Variants in HIPK2 observed in about 807,000 individuals in gnomAD.
HIPK2 encodes homeodomain interacting protein kinase 2, also known as homeodomain-interacting protein kinase 2.
Under a neutral mutation model 113.7 loss-of-function variants are expected in HIPK2, and 27 were observed. That is an observed-to-expected ratio of 0.24 (90% CI 0.17 to 0.33). HIPK2 has a LOEUF of 0.33. Among genes scored for constraint, HIPK2 ranks in the 10% least tolerant of loss-of-function variants. HIPK2 has a pLI of 1.00. For missense variants in HIPK2, 1,257 were observed against 1,588.0 expected (o/e 0.79, Z 3.54); for synonymous variants, 631 against 642.2 (o/e 0.98, Z 0.26).
chr7:139,623,516 TCA>T (rs1491509948), intron 6 of HIPK2, among the ~76,000 whole-genome samples: 76 of 81,818 alleles, frequency 9.3e-4, no homozygotes, highest in African/African-American at 4.9e-3. Context: ...AGACTCTACT[TCA>T]AAAAAAAAAA....
chr7:139,717,320 T>C (rs1334566314), intron 1 of HIPK2, among the ~76,000 whole-genome samples: 1 of 152,194 alleles, frequency 6.6e-6, no homozygotes, highest in African/African-American at 2.4e-5. Flanking sequence ...ACATTACTTG[T>C]GACAGAAATG....
chr7:139,750,379 C>T (rs1796259871), intron 1 of HIPK2, among the ~76,000 whole-genome samples: 1 of 152,214 alleles, frequency 6.6e-6, no homozygotes, highest in African/African-American at 2.4e-5. Context: ...TAGAATACAG[C>T]ATGGTGGGCA....
At chr7:139,660,407 G>T (rs1330499466) in intron 2 of HIPK2, among the ~76,000 whole-genome samples, 1 of 152,158 alleles carries the variant, frequency 6.6e-6, no homozygotes, top group East Asian at 1.9e-4. Flanking sequence ...GCTTTTCCTG[G>T]TTACAGCATG....
Position 139,682,654 on chromosome 7 carries a change from A to G in HIPK2, c.1103+33278T>C, listed in dbSNP as rs1051972273. On this transcript the variant is annotated intron_variant, in intron 2 of 14. Coordinates refer to ENST00000406875, the MANE Select transcript of HIPK2 (RefSeq NM_022740.5). ...CACCCTGCACCATGTCCTGCCACAC[A>G]GTAAGTGCTCCATGCATGTTTATTG... Among the ~76,000 whole-genome samples, 6 of 152,250 alleles carry G rather than the reference A, an allele frequency of 3.9e-5. No individual in the cohort carries two copies. In the East Asian group the frequency reaches 1.2e-3, roughly 29 times the overall value.
At chr7:139,658,234 A>G (rs747189068) in intron 2 of HIPK2, among the ~76,000 whole-genome samples, 31 of 151,726 alleles carry the variant, frequency 2.0e-4, no homozygotes, top group Non-Finnish European at 2.6e-4. Flanking sequence ...TGAACCCAGG[A>G]GGCGGAGGTT....
At chr7:139,615,932 A>C (rs753365969) in intron 7 of HIPK2, among the ~76,000 whole-genome samples, 1 of 147,648 alleles carries the variant, frequency 6.8e-6, no homozygotes, top group Non-Finnish European at 1.5e-5. Context: ...ACGTGTGTAC[A>C]TATGTGGGCA....
rs541335053 is a variant in HIPK2, at chr7:139,714,363, A to G, written c.1103+1569T>C. 1.3e-5 allele frequency among the ~76,000 whole-genome samples: 2 copies of G among 152,260 alleles called. No individual in the cohort carries two copies. The highest frequency in any genetic ancestry group is 2.9e-5 in the Non-Finnish European group (2 of 68,004). ...GAGACGGGGTGGAAGGTGGGAGGGC[A>G]TCTGGGGATCCGAACGGAGGGGCTG... is the stretch of plus-strand genomic sequence containing the variant. On this transcript the variant is annotated intron_variant, in intron 2 of 14. Transcript: ENST00000406875. The surrounding 1 kb of genome is among the most constrained non-coding windows in gnomAD (Gnocchi z 4.2).
chr7:139,572,984 G>C lies in HIPK2; in HGVS notation c.3540C>G (p.Thr1180=). 6.2e-7 allele frequency: 1 copy of C among 1,600,728 alleles called. No homozygotes were observed. The highest frequency in any genetic ancestry group is 2.3e-5 in the East Asian group (1 of 44,442). Residue 1180 remains threonine, a synonymous_variant, in exon 15 of 15, where the codon ACC becomes ACG. Transcript: ENST00000406875. ...GGCTCAGTGGGTATCCAGTGTAGAC[G>C]GTGGAGGCTGGCGAGGCGCTGATGT... ...QTYISASPAS[T]VYTGYPLSPA...
chr7:139,775,944 C>T (rs1394827913), intron 1 of HIPK2, among the ~76,000 whole-genome samples: 4 of 152,182 alleles, frequency 2.6e-5, no homozygotes, highest in Non-Finnish European at 5.9e-5. Context: ...AATTCAATGC[C>T]AAGTTCCTTC....
intron 2 of HIPK2, among the ~76,000 whole-genome samples, chr7:139,704,611 C>A (rs1291883810): frequency 6.6e-6 from 1 of 152,020 alleles, no homozygotes; most frequent in African/African-American, 2.4e-5. Context: ...TACATAAACA[C>A]ACCCAACACA....
intron 1 of HIPK2, among the ~76,000 whole-genome samples, chr7:139,724,535 T>TTTA (rs1569481339): frequency 2.0e-5 from 3 of 152,140 alleles, no homozygotes; most frequent in Admixed American, 6.5e-5. Context: ...ATTCTTTTTT[T>TTTA]TTATTATTAT....
intron 11 of HIPK2, 176 bp from the exon 12 acceptor site, chr7:139,597,174 C>T (rs534994067): frequency 8.5e-6 from 2 of 235,518 alleles, no homozygotes; most frequent in South Asian, 1.5e-4. Context: ...AGCGGCTACA[C>T]AGGCCTTCTC....
intron 2 of HIPK2, among the ~76,000 whole-genome samples, chr7:139,710,806 T>C (rs763591190): frequency 2.0e-5 from 3 of 152,168 alleles, no homozygotes; most frequent in Non-Finnish European, 4.4e-5. Flanking sequence ...TCCCCCTTGC[T>C]GTTCTTGTGA....
intron 13 of HIPK2, among the ~76,000 whole-genome samples, chr7:139,581,818 G>T (rs912125482): frequency 1.3e-5 from 2 of 152,238 alleles, no homozygotes; most frequent in South Asian, 4.1e-4. Flanking sequence ...GCCCCTGCTC[G>T]TGAGGGCACA....
Position 139,680,062 on chromosome 7 carries a change from G to A in HIPK2, c.1103+35870C>T, listed in dbSNP as rs915224980. ...GGAGGCCGGAAGGCCGGAAAGCAGG[G>A]GGAGTACAGGATTTCCTAAGGTAAA... On this transcript the variant is annotated intron_variant, in intron 2 of 14. Transcript: ENST00000406875. 2.0e-5 allele frequency among the ~76,000 whole-genome samples: 3 copies of A among 152,140 alleles called. No homozygotes were observed. The East Asian group carries it at 5.8e-4, about 29-fold the overall frequency.
In HIPK2 at chr7:139,611,922, G is replaced by C. The variant is rs116596297; in HGVS notation, c.2112+1280C>G. On this transcript the variant is annotated intron_variant, in intron 9 of 14. Transcript: ENST00000406875. ...ACGTTTAAAGATGTCAGTTGTTCCTGAAGTAAATATAAATTCAATGTATAT... is the reference window on the plus strand; with the variant it reads ...ACGTTTAAAGATGTCAGTTGTTCCTCAAGTAAATATAAATTCAATGTATAT... Among the ~76,000 whole-genome samples, 720 of 152,286 alleles carry C rather than the reference G, an allele frequency of 4.7e-3. 6 individuals carry two copies. Among genetic ancestry groups the C allele is most frequent in the African/African-American group, 0.017 (708 of 41,562 alleles).
intron 1 of HIPK2, among the ~76,000 whole-genome samples, chr7:139,769,864 C>G (rs1284174685): frequency 1.3e-5 from 2 of 152,212 alleles, no homozygotes; most frequent in Non-Finnish European, 2.9e-5. Context: ...CTCCCAGGCT[C>G]AGTTAACAGA....
chr7:139,686,704 A>G (rs1271308370), intron 2 of HIPK2, among the ~76,000 whole-genome samples: 2 of 152,152 alleles, frequency 1.3e-5, no homozygotes, highest in Non-Finnish European at 2.9e-5. Flanking sequence ...AGTCAATTAA[A>G]CCTCTTTCCT....
chr7:139,772,088 G>T (rs1180377364), intron 1 of HIPK2, among the ~76,000 whole-genome samples: 1 of 152,192 alleles, frequency 6.6e-6, no homozygotes. Context: ...AACTATATCT[G>T]TGTCAAGGTC....
Sources: gnomAD v4.1 joint callset for allele counts (sites outside exome capture counted in the v4.1 genomes callset) on GRCh38, gnomAD v4.1.1 for gene constraint, Gnocchi (gnomAD v3.1) non-coding constraint, MANE v1.5 for transcripts, NCBI Gene and HGNC (gene_info 2026-07-23, HGNC 2026-07-21) for gene names.